FER1L6: variants seen among roughly 807,000 people sequenced by gnomAD.
FER1L6 encodes the protein fer-1-like protein 6.
Under a neutral mutation model 219.2 loss-of-function variants are expected in FER1L6, and 177 were observed. The ratio of observed to expected loss-of-function variants is 0.81; its 90% CI spans 0.71 to 0.91. FER1L6 has a LOEUF of 0.91. FER1L6 is among the 40% of genes least tolerant of loss of function. The probability of loss-of-function intolerance (pLI) is 0.00; values close to 1 mark genes in which losing one functional copy is unlikely to be tolerated. For missense variants in FER1L6, 2,153 were observed against 2,259.9 expected (o/e 0.95, Z 0.96); for synonymous variants, 768 against 824.3 (o/e 0.93, Z 1.17).
chr8:124,117,195 C>G (rs1017410981), intron 39 of FER1L6, among the ~76,000 whole-genome samples: 7 of 152,148 alleles, frequency 4.6e-5, no homozygotes, highest in Non-Finnish European at 1.0e-4. Flanking sequence ...GCCTGTGTGA[C>G]CTTGGAAAAG....
chr8:124,087,603 A>C (rs898749994), intron 33 of FER1L6, among the ~76,000 whole-genome samples: 9 of 152,052 alleles, frequency 5.9e-5, no homozygotes, highest in African/African-American at 2.2e-4. Flanking sequence ...TTGGTGAGAT[A>C]ATGTTTTCCC....
At position 124,003,265 on chromosome 8, in the gene FER1L6, C is replaced by T. The variant is rs374047035; in HGVS notation, c.1618C>T (p.Gln540Ter). The T allele has an allele frequency of 1.2e-6, 2 of 1,613,892 alleles. No homozygotes were observed. The highest frequency in any genetic ancestry group is 2.7e-5 in the African/African-American group (2 of 74,860). ...CCTCCTTCCACTGCTTCACGAAGGG[C>T]AAGGGGATGTGGCCCATGATGTTCC... ...EDLLPLLHEG[Q>*]GDVAHDVPIP... The change falls in exon 13 of 41, where the codon CAA (glutamine) becomes TAA (stop). Residue 540 changes from glutamine to a stop codon, truncating the protein, a stop_gained. Transcript: ENST00000522917. LOFTEE classifies it high-confidence loss of function.
rs760997999 is a variant in FER1L6 at position 124,003,194 on chromosome 8, G to T, written c.1547G>T (p.Gly516Val). The T allele has an allele frequency of 1.2e-6, 2 of 1,613,876 alleles. No homozygotes were observed. Among genetic ancestry groups the T allele is most frequent in the Admixed American group, 3.3e-5 (2 of 59,992 alleles). The change falls in exon 13 of 41, where the codon GGA becomes GTA. Residue 516 changes from glycine to valine, a missense_variant. Transcript: ENST00000522917. ...IGNFGNLIDGGSHHGSKKSAE... is the reference protein window; with the variant it reads ...IGNFGNLIDGVSHHGSKKSAE... ...AATTTTGGAAACCTGATTGATGGAG[G>T]ATCCCATCATGGGAGTAAGAAGTCA...
At chr8:124,092,564 A>G (rs1200209836) in intron 34 of FER1L6, among the ~76,000 whole-genome samples, 1 of 152,182 alleles carries the variant, frequency 6.6e-6, no homozygotes, top group Non-Finnish European at 1.5e-5. Context: ...GGTGAGGGGA[A>G]AAAAAATCAC....
At chr8:123,959,248 C>T (rs1014024410) in intron 2 of FER1L6, among the ~76,000 whole-genome samples, 1 of 152,132 alleles carries the variant, frequency 6.6e-6, no homozygotes, top group East Asian at 1.9e-4. Context: ...GAATGAACGC[C>T]CCTAGAGGGA....
intron 1 of FER1L6, among the ~76,000 whole-genome samples, chr8:123,954,948 C>A (rs1159626065): frequency 6.6e-6 from 1 of 152,194 alleles, no homozygotes; most frequent in African/African-American, 2.4e-5. Flanking sequence ...AGGCTGCCTG[C>A]ATCAAGGCCA....
chr8:123,880,159 C>G (rs754048214), intron 1 of FER1L6, among the ~76,000 whole-genome samples: 5 of 152,090 alleles, frequency 3.3e-5, no homozygotes, highest in Admixed American at 1.3e-4. Flanking sequence ...TCTTCCCCGA[C>G]CAACTCCCAG....
intron 20 of FER1L6, chr8:124,040,395 C>T (rs1318675500): frequency 4.3e-6 from 1 of 233,964 alleles, no homozygotes; most frequent in African/African-American, 2.2e-5. Flanking sequence ...TGGGGAGAAA[C>T]ATTTTCCAGT....
chr8:123,993,417 G>C (rs1032093303), intron 12 of FER1L6, among the ~76,000 whole-genome samples: 3 of 149,332 alleles, frequency 2.0e-5, no homozygotes, highest in Non-Finnish European at 4.5e-5. Flanking sequence ...ACTCCAGCCT[G>C]GGCGACAGAG....
Position 123,919,566 on chromosome 8 carries a change from G to T in FER1L6, c.-7-36426G>T, listed in dbSNP as rs545745205. 2.8e-4 allele frequency among the ~76,000 whole-genome samples: 42 copies of T among 152,322 alleles called. No homozygotes were observed. The South Asian group carries it at 6.6e-3, about 24-fold the overall frequency. On this transcript the variant is annotated intron_variant, in intron 1 of 40. Transcript: ENST00000522917. The stretch of plus-strand genomic sequence containing the variant: ...ACCTCTGCTCATGGTCCAGTACCTT[G>T]GGAACAGTAAGCCATGTGCTTGGGC...
chr8:123,884,365 G>T (rs951984774), intron 1 of FER1L6, among the ~76,000 whole-genome samples: 3 of 144,674 alleles, frequency 2.1e-5, no homozygotes, highest in Non-Finnish European at 4.6e-5. Context: ...CTGCCAAGGG[G>T]CAGCTCTGAG....
chr8:124,039,754 A>C (rs1349932538), intron 19 of FER1L6, 128 bp from the exon 20 acceptor site: 86 of 1,153,334 alleles, frequency 7.5e-5, no homozygotes, highest in Non-Finnish European at 1.1e-4. Context: ...AGGAGGGTGG[A>C]TGTGGCTGGT....
intron 22 of FER1L6, among the ~76,000 whole-genome samples, chr8:124,059,363 T>C (rs993158716): frequency 6.6e-6 from 1 of 152,172 alleles, no homozygotes; most frequent in Non-Finnish European, 1.5e-5. Context: ...AAAATCTGCA[T>C]AAAGGACATG....
intron 22 of FER1L6, among the ~76,000 whole-genome samples, chr8:124,051,141 G>A (rs1820004001): frequency 6.6e-6 from 1 of 152,110 alleles, no homozygotes; most frequent in Non-Finnish European, 1.5e-5. Flanking sequence ...ACAAAAGAGA[G>A]ATAACCTCTC....
chr8:124,117,241 A>C (rs1004445330), intron 39 of FER1L6, among the ~76,000 whole-genome samples: 40 of 152,228 alleles, frequency 2.6e-4, no homozygotes, highest in Admixed American at 2.6e-3. Context: ...CTTCATCTAC[A>C]TAAGGGAGAC....
chr8:124,097,904 C>T (rs1266593804), intron 37 of FER1L6, 21 bp downstream of exon 37: 1 of 1,254,040 alleles, frequency 8.0e-7, no homozygotes, highest in Non-Finnish European at 1.2e-6. Context: ...CAACAAACTC[C>T]AACCTCCCAT....
intron 22 of FER1L6, among the ~76,000 whole-genome samples, chr8:124,056,210 T>G (rs1820288146): frequency 6.6e-6 from 1 of 152,230 alleles, no homozygotes; most frequent in Non-Finnish European, 1.5e-5. Context: ...GAGTCATTAT[T>G]CTGCCCAACA....
chr8:124,099,925 C>G (rs1169523923), intron 37 of FER1L6, among the ~76,000 whole-genome samples: 2 of 152,146 alleles, frequency 1.3e-5, no homozygotes, highest in East Asian at 1.9e-4. Context: ...CTGCCACTCA[C>G]TCATATCCCT....
intron 14 of FER1L6, among the ~76,000 whole-genome samples, chr8:124,011,367 T>C (rs1817912532): frequency 6.6e-6 from 1 of 152,158 alleles, no homozygotes; most frequent in Admixed American, 6.5e-5. Context: ...TGTTTTGTTT[T>C]GTTTTTGAGA....
Sources: gnomAD v4.1 joint callset for allele counts (sites outside exome capture counted in the v4.1 genomes callset) on GRCh38, gnomAD v4.1.1 for gene constraint, MANE v1.5 for transcripts, NCBI Gene and HGNC (gene_info 2026-07-23, HGNC 2026-07-21) for gene names.